Variants in KSR2 observed in about 807,000 individuals in gnomAD.
KSR2 encodes kinase suppressor of ras 2.
KSR2 carries 25 observed loss-of-function variants against 107.8 expected under a neutral mutation model. The observed-to-expected ratio is 0.23, with a 90% CI of 0.17 to 0.32. The LOEUF is 0.32. Among genes scored for constraint, KSR2 ranks in the 10% least tolerant of loss-of-function variants. The pLI is 1.00. For missense variants in KSR2, 887 were observed against 1,268.9 expected, an observed-to-expected ratio of 0.70 and a Z score of 4.57; for synonymous variants, 480 against 507.0, an observed-to-expected ratio of 0.95 and a Z score of 0.71.
chr12:117,792,932 A>G (rs569207374), intron 3 of KSR2, among the ~76,000 whole-genome samples: 52 of 151,466 alleles, frequency 3.4e-4, no homozygotes, highest in African/African-American at 1.2e-3. Context: ...CCTCACACCA[A>G]CATGCACACA....
chr12:117,539,978 C>A, intron 9 of KSR2, 91 bp from the exon 10 acceptor site: 2 of 1,059,596 alleles, frequency 1.9e-6, no homozygotes, highest in Admixed American at 5.1e-5. Context: ...GGCCCCCACC[C>A]CAGCCCCTGC....
chr12:117,892,754 T>C (rs964954267), intron 1 of KSR2, among the ~76,000 whole-genome samples: 1 of 118,648 alleles, frequency 8.4e-6, no homozygotes, highest in African/African-American at 3.1e-5. Flanking sequence ...TATGTCTCTT[T>C]AAAGAAAAGT....
chr12:117,578,712 C>T (rs989059929), intron 7 of KSR2, among the ~76,000 whole-genome samples: 9 of 151,712 alleles, frequency 5.9e-5, no homozygotes, highest in South Asian at 2.1e-4. Context: ...TCTGTTTTTG[C>T]AAATAAAGTT....
intron 18 of KSR2, among the ~76,000 whole-genome samples, chr12:117,470,900 A>C (rs1871410691): frequency 6.6e-6 from 1 of 152,238 alleles, no homozygotes; most frequent in Non-Finnish European, 1.5e-5. Context: ...TCTTTTAAAA[A>C]TACCAGAAAA....
chr12:117,905,791 G>C (rs1053645506), intron 1 of KSR2, among the ~76,000 whole-genome samples: 5 of 150,692 alleles, frequency 3.3e-5, no homozygotes, highest in African/African-American at 1.2e-4. Flanking sequence ...AACCACAAAA[G>C]AGAAATTGTA....
At chr12:117,602,528 T>C (rs1422238101) in intron 5 of KSR2, among the ~76,000 whole-genome samples, 3 of 152,242 alleles carry the variant, frequency 2.0e-5, no homozygotes, top group African/African-American at 7.2e-5. Context: ...TTACTAAGTA[T>C]AGTATTTTTG....
chr12:117,533,810 A>T (rs1031578242), intron 10 of KSR2, among the ~76,000 whole-genome samples: 2 of 152,150 alleles, frequency 1.3e-5, no homozygotes, highest in Non-Finnish European at 2.9e-5. Flanking sequence ...CCGAGAAGGG[A>T]CAGGTGTCAG....
intron 5 of KSR2, among the ~76,000 whole-genome samples, chr12:117,666,349 G>C (rs1884658677): frequency 6.6e-6 from 1 of 152,166 alleles, no homozygotes; most frequent in Non-Finnish European, 1.5e-5. Context: ...CAAAGTGTAA[G>C]AACCCTTAGA....
intron 4 of KSR2, among the ~76,000 whole-genome samples, chr12:117,729,188 G>T (rs1165330693): frequency 6.6e-6 from 1 of 151,472 alleles, no homozygotes; most frequent in Non-Finnish European, 1.5e-5. Flanking sequence ...TGCCCCTCGG[G>T]AGTCTACAAC....
At chr12:117,929,248 C>A (rs1895627422) in intron 1 of KSR2, among the ~76,000 whole-genome samples, 1 of 152,206 alleles carries the variant, frequency 6.6e-6, no homozygotes, top group Admixed American at 6.5e-5. Context: ...TGTCCCCACC[C>A]AAATTTCATC....
At chr12:117,467,875 T>C (rs1167019051) in intron 19 of KSR2, 1 of 440,184 alleles carries the variant, frequency 2.3e-6, no homozygotes, top group South Asian at 1.6e-5. Flanking sequence ...GAATGGAAAA[T>C]TCCACTGAAC....
chr12:117,523,959 T>C (rs1874938817), intron 14 of KSR2, among the ~76,000 whole-genome samples: 1 of 151,772 alleles, frequency 6.6e-6, no homozygotes, highest in Non-Finnish European at 1.5e-5. Context: ...GCAAGAAGAG[T>C]GAAACTCTGT....
rs1390806761 is a variant in KSR2, at chr12:117,460,153, A to G, written c.*7046T>C. 6.6e-6 allele frequency: 1 copy of G among 152,256 alleles called. No homozygotes were observed. Among genetic ancestry groups the G allele is most frequent in the Non-Finnish European group, 1.5e-5 (1 of 68,042 alleles). The allele number at this position is 152,256 out of a possible 1,614,324, so 9.4% of individuals were successfully genotyped here. Reference sequence around the variant, plus strand: ...CCATGGAATGAAAGGTCTATGGGACATGCTTGGGAAACAAGGTCTTATTTA... The same window carrying G: ...CCATGGAATGAAAGGTCTATGGGACGTGCTTGGGAAACAAGGTCTTATTTA... On this transcript the variant is annotated 3_prime_UTR_variant, in exon 20 of 20. Coordinates refer to ENST00000339824, the MANE Select transcript of KSR2 (RefSeq NM_173598.6).
Position 117,731,429 on chromosome 12 carries a change from C to T in KSR2, c.986+29582G>A, listed in dbSNP as rs528883584. ...CCGGGAGGGAGGTGGGGGGCAGCCC[C>T]CGCCCAGCCACCGCCCCGTCCGGGA... On this transcript the variant is annotated intron_variant, in intron 4 of 19. Transcript: ENST00000339824. Among the ~76,000 whole-genome samples, 21 of 136,340 alleles carry T rather than the reference C, an allele frequency of 1.5e-4. 1 individual carries two copies. In the South Asian group the frequency reaches 3.0e-3, roughly 19 times the overall value. The allele number at this position is 136,340 out of a possible 152,430, so 89.4% of individuals were successfully genotyped here.
chr12:117,631,499 T>A (rs1377976698), intron 5 of KSR2, among the ~76,000 whole-genome samples: 1 of 152,214 alleles, frequency 6.6e-6, no homozygotes, highest in African/African-American at 2.4e-5. Context: ...TTTGTGATTA[T>A]CATAAATCTA....
chr12:117,552,288 T>C (rs60759188), intron 9 of KSR2, among the ~76,000 whole-genome samples: 3,154 of 152,336 alleles, frequency 0.021, 113 homozygotes, highest in African/African-American at 0.071. Flanking sequence ...TCATAACAAC[T>C]GTCTGAGGTT....
At chr12:117,639,807 G>A (rs962731657) in intron 5 of KSR2, among the ~76,000 whole-genome samples, 10 of 151,960 alleles carry the variant, frequency 6.6e-5, no homozygotes, top group Non-Finnish European at 4.4e-5. Flanking sequence ...AGATCAAGGG[G>A]CATTTCCCAC....
intron 5 of KSR2, among the ~76,000 whole-genome samples, chr12:117,657,412 C>T (rs1333329562): frequency 6.6e-6 from 1 of 152,150 alleles, no homozygotes; most frequent in Non-Finnish European, 1.5e-5. Context: ...CAATAAATTA[C>T]CTTTATATTT....
chr12:117,715,605 C>T (rs1271660746), intron 4 of KSR2, among the ~76,000 whole-genome samples: 1 of 152,194 alleles, frequency 6.6e-6, no homozygotes, highest in African/African-American at 2.4e-5. Context: ...GATCTTAGGT[C>T]AGCAAATGTT....
Sources: gnomAD v4.1 joint callset for allele counts (sites outside exome capture counted in the v4.1 genomes callset) on GRCh38, gnomAD v4.1.1 for gene constraint, MANE v1.5 for transcripts, NCBI Gene and HGNC (gene_info 2026-07-23, HGNC 2026-07-21) for gene names.